Variants in SHISA9 observed in about 807,000 individuals in gnomAD.
The protein encoded by SHISA9 is shisa family member 9, also known as protein shisa-9.
A neutral mutation model predicts 38.0 loss-of-function variants in SHISA9; 13 were observed. That is an observed-to-expected ratio of 0.34 (90% CI 0.22 to 0.54). The LOEUF is 0.54. Ranked by LOEUF, SHISA9 falls within the 20% of genes least tolerant of loss-of-function variation. The probability of loss-of-function intolerance (pLI) is 0.91; values close to 1 mark genes in which losing one functional copy is unlikely to be tolerated. For missense variants in SHISA9, 538 were observed against 575.8 expected (o/e 0.93, Z 0.67); for synonymous variants, 275 against 242.0 (o/e 1.14, Z -1.27).
At chr16:13,497,699 A>G in the SHISA9 span, among the ~76,000 whole-genome samples, 13 of 151,446 alleles carry the variant, frequency 8.6e-5, no homozygotes, top group African/African-American at 3.1e-4. Flanking sequence ...AAAAAAAAAA[A>G]AAGAAAAAAG....
At chr16:13,378,510 G>A in the SHISA9 span, among the ~76,000 whole-genome samples, 1 of 152,160 alleles carries the variant, frequency 6.6e-6, no homozygotes, top group Admixed American at 6.5e-5. Flanking sequence ...GGAAGATGCC[G>A]TGGTCTACTT....
intron 2 of SHISA9, among the ~76,000 whole-genome samples, chr16:12,936,787 ACT>A (rs2071539576): frequency 1.3e-5 from 2 of 152,024 alleles, no homozygotes; most frequent in African/African-American, 2.4e-5. Flanking sequence ...ACGAGACAAG[ACT>A]CTACTGTTAT....
chr16:13,256,525 C>T, the SHISA9 span, among the ~76,000 whole-genome samples: 8 of 152,304 alleles, frequency 5.3e-5, no homozygotes, highest in South Asian at 2.1e-4. Flanking sequence ...GGTGATCCGC[C>T]CACCTCGGCC....
At chr16:13,113,436 C>T (rs1160539569) in intron 2 of SHISA9, among the ~76,000 whole-genome samples, 1 of 152,088 alleles carries the variant, frequency 6.6e-6, no homozygotes, top group Non-Finnish European at 1.5e-5. Context: ...TCCTACCAAG[C>T]CTGGAGATTG....
rs145983393 is a variant in SHISA9, at chr16:13,009,167, A to G, written c.691+92352A>G. 1.4e-4 allele frequency among the ~76,000 whole-genome samples: 21 copies of G among 152,208 alleles called. 1 individual carries two copies. The highest frequency in any genetic ancestry group is 5.1e-4 in the African/African-American group (21 of 41,522). On this transcript the variant is annotated intron_variant, in intron 2 of 4. Coordinates refer to ENST00000558583, the MANE Select transcript of SHISA9 (RefSeq NM_001145204.3). ...GCACTGTTTTAAACCTGATTTACAA[A>G]CAAGGTAGTCAAGTGGGTCACAGAA...
chr16:13,250,733 C>G, the SHISA9 span, among the ~76,000 whole-genome samples: 22 of 151,838 alleles, frequency 1.4e-4, no homozygotes, highest in Admixed American at 4.6e-4. Context: ...TGAGAAAGAT[C>G]TATATTTGGG....
At chr16:13,506,508 G>A in the SHISA9 span, among the ~76,000 whole-genome samples, 2 of 152,120 alleles carry the variant, frequency 1.3e-5, no homozygotes, top group African/African-American at 2.4e-5. Context: ...CAAAGACGAC[G>A]GTTGCATGGA....
intron 2 of SHISA9, among the ~76,000 whole-genome samples, chr16:12,920,827 T>C (rs943327122): frequency 5.3e-5 from 8 of 152,240 alleles, no homozygotes; most frequent in South Asian, 2.1e-4. Flanking sequence ...TTCACTAATA[T>C]TCCTTTTCTG....
At chr16:12,904,231 G>A (rs1391274268) in intron 1 of SHISA9, among the ~76,000 whole-genome samples, 3 of 152,186 alleles carry the variant, frequency 2.0e-5, no homozygotes, top group Admixed American at 2.0e-4. Context: ...TGAGGCAGCG[G>A]GTGTCGCCTT....
chr16:13,365,153 T>C, the SHISA9 span, among the ~76,000 whole-genome samples: 2 of 152,136 alleles, frequency 1.3e-5, no homozygotes, highest in Admixed American at 6.5e-5. Context: ...CAAAACAAAC[T>C]GGGGAAGGCC....
chr16:13,425,533 A>G, the SHISA9 span, among the ~76,000 whole-genome samples: 1 of 152,134 alleles, frequency 6.6e-6, no homozygotes, highest in African/African-American at 2.4e-5. Flanking sequence ...AAAAGCAGGG[A>G]GGGAAGAATG....
the SHISA9 span, among the ~76,000 whole-genome samples, chr16:13,455,511 A>C: frequency 6.6e-6 from 1 of 152,206 alleles, no homozygotes; most frequent in Non-Finnish European, 1.5e-5. Flanking sequence ...AGAGAGTAAA[A>C]GTGCTCATTG....
At chr16:13,254,530 A>AC in the SHISA9 span, among the ~76,000 whole-genome samples, 106 of 152,348 alleles carry the variant, frequency 7.0e-4, no homozygotes, top group African/African-American at 2.0e-3. Flanking sequence ...ATAATAGCAG[A>AC]CTTGAGAATA....
At chr16:13,365,418 C>T in the SHISA9 span, among the ~76,000 whole-genome samples, 1 of 150,062 alleles carries the variant, frequency 6.7e-6, no homozygotes, top group East Asian at 2.0e-4. Context: ...TTTAACATAC[C>T]TTATCCCTCT....
At chr16:13,403,236 T>A in the SHISA9 span, among the ~76,000 whole-genome samples, 1 of 152,216 alleles carries the variant, frequency 6.6e-6, no homozygotes, top group Non-Finnish European at 1.5e-5. Context: ...GATTCCATTA[T>A]CAACACTTGC....
the SHISA9 span, among the ~76,000 whole-genome samples, chr16:13,549,423 CATAA>C: frequency 2.6e-5 from 4 of 151,904 alleles, no homozygotes. Flanking sequence ...CACTGTACCC[CATAA>C]ATGTGTACAA....
At chr16:13,166,248 ATAT>A (rs2050634583) in intron 2 of SHISA9, among the ~76,000 whole-genome samples, 2 of 152,186 alleles carry the variant, frequency 1.3e-5, no homozygotes, top group Non-Finnish European at 2.9e-5. Context: ...TTCTACAATG[ATAT>A]GTTATCCTTT....
intron 2 of SHISA9, among the ~76,000 whole-genome samples, chr16:13,106,312 C>A (rs532618134): frequency 1.3e-5 from 2 of 152,112 alleles, no homozygotes; most frequent in Non-Finnish European, 2.9e-5. Flanking sequence ...CAGCATGAAG[C>A]CTGATGTACA....
At chr16:13,261,858 T>C in the SHISA9 span, among the ~76,000 whole-genome samples, 1 of 152,192 alleles carries the variant, frequency 6.6e-6, no homozygotes, top group African/African-American at 2.4e-5. Flanking sequence ...AACCCATCTG[T>C]AGCCAGAATT....
Sources: allele counts gnomAD v4.1 joint callset (sites outside exome capture counted in the v4.1 genomes callset), GRCh38; gene constraint gnomAD v4.1.1; transcripts MANE v1.5; gene names NCBI Gene and HGNC (gene_info 2026-07-23, HGNC 2026-07-21).